Variants in MARCHF4 observed in about 807,000 individuals in gnomAD.
MARCHF4 encodes the protein membrane associated ring-CH-type finger 4.
Under a neutral mutation model 43.9 loss-of-function variants are expected in MARCHF4, and 14 were observed. The observed-to-expected ratio is 0.32, with a 90% CI of 0.21 to 0.50. The LOEUF is 0.50. Among genes scored for constraint, MARCHF4 ranks in the 20% least tolerant of loss-of-function variants. MARCHF4 has a pLI of 0.98. For synonymous variants in MARCHF4, 226 were observed against 213.3 expected (o/e 1.06, Z -0.52); for missense variants, 468 against 536.7 (o/e 0.87, Z 1.27).
chr2:216,370,284 C>A lies in MARCHF4; in HGVS notation c.-24G>T. On this transcript the variant is annotated 5_prime_UTR_variant, in exon 1 of 4. Transcript: ENST00000273067. Reference sequence around the variant, plus strand: ...ATGTGCCCCGTGGAAGTAGAGAGCCCAAGAGGGGTGGCTGGAGTCTTAAAA... The same window carrying A: ...ATGTGCCCCGTGGAAGTAGAGAGCCAAAGAGGGGTGGCTGGAGTCTTAAAA... 1 of 1,565,092 alleles carries A rather than the reference C, an allele frequency of 6.4e-7. No homozygotes were observed. The highest frequency in any genetic ancestry group is 8.7e-7 in the Non-Finnish European group (1 of 1,153,266).
At chr2:216,341,273 A>G (rs1692231573) in intron 1 of MARCHF4, among the ~76,000 whole-genome samples, 1 of 152,164 alleles carries the variant, frequency 6.6e-6, no homozygotes, top group Non-Finnish European at 1.5e-5. Flanking sequence ...GATTACACCC[A>G]CGGTCTCTCG....
At chr2:216,284,471 G>A (rs1167381002) in intron 1 of MARCHF4, among the ~76,000 whole-genome samples, 1 of 152,054 alleles carries the variant, frequency 6.6e-6, no homozygotes, top group East Asian at 1.9e-4. Flanking sequence ...TTTTTTGTTT[G>A]TTTGTTGTTT....
intron 1 of MARCHF4, among the ~76,000 whole-genome samples, chr2:216,319,105 C>G (rs1170953691): frequency 1.3e-5 from 2 of 152,024 alleles, no homozygotes. Flanking sequence ...GTCAGGAGTT[C>G]AAAACCAGCC....
chr2:216,290,537 T>C (rs191737146), intron 1 of MARCHF4, among the ~76,000 whole-genome samples: 48 of 152,236 alleles, frequency 3.2e-4, no homozygotes, highest in Admixed American at 1.8e-3. Context: ...TGGGCAATCA[T>C]GAGTGTTTTG....
At chr2:216,342,956 G>C (rs1692258485) in intron 1 of MARCHF4, among the ~76,000 whole-genome samples, 1 of 152,112 alleles carries the variant, frequency 6.6e-6, no homozygotes, top group Non-Finnish European at 1.5e-5. Flanking sequence ...GGGGAGGGTG[G>C]GGCAGGCAGA....
At position 216,259,868 on chromosome 2, in the gene MARCHF4, C is replaced by T. The variant is rs185274398; in HGVS notation, c.866-189G>A. On this transcript the variant is annotated intron_variant, in intron 3 of 3. Transcript: ENST00000273067. The stretch of plus-strand genomic sequence containing the variant: ...GCAGAAGGTGGAGGGGCCACCAGAC[C>T]GAGTCCATGAAATAGTTGAGCACCT... The T allele has an allele frequency of 2.7e-4, 165 of 603,024 alleles. 1 individual carries two copies. The highest frequency in any genetic ancestry group is 2.0e-3 in the Admixed American group (69 of 33,742). The allele number at this position is 603,024 out of a possible 1,614,324, so 37.4% of individuals were successfully genotyped here.
chr2:216,356,236 G>C (rs1389605744), intron 1 of MARCHF4, among the ~76,000 whole-genome samples: 1 of 152,216 alleles, frequency 6.6e-6, no homozygotes, highest in Non-Finnish European at 1.5e-5. Flanking sequence ...AGATGCTGAA[G>C]GGCCCATATT....
intron 1 of MARCHF4, among the ~76,000 whole-genome samples, chr2:216,313,325 CT>C (rs1691720084): frequency 6.6e-6 from 1 of 152,120 alleles, no homozygotes; most frequent in Non-Finnish European, 1.5e-5. Context: ...TCTAATTTCT[CT>C]TTTAAGTTGC....
intron 1 of MARCHF4, among the ~76,000 whole-genome samples, chr2:216,318,951 C>G (rs1284318052): frequency 6.6e-6 from 1 of 151,316 alleles, no homozygotes; most frequent in Non-Finnish European, 1.5e-5. Context: ...TTTCTTTTTT[C>G]AAAAAAGAAA....
intron 1 of MARCHF4, among the ~76,000 whole-genome samples, chr2:216,357,113 T>C (rs1309245440): frequency 6.6e-6 from 1 of 152,210 alleles, no homozygotes; most frequent in Non-Finnish European, 1.5e-5. Context: ...GTAACCATAG[T>C]ACAATGACCC....
chr2:216,265,298 C>G (rs1330243108), intron 3 of MARCHF4, among the ~76,000 whole-genome samples: 2 of 152,040 alleles, frequency 1.3e-5, no homozygotes, highest in African/African-American at 4.8e-5. Context: ...TGTACCCAAC[C>G]CTGGGCTGTA....
chr2:216,311,299 C>T (rs1338352199), intron 1 of MARCHF4, among the ~76,000 whole-genome samples: 1 of 152,010 alleles, frequency 6.6e-6, no homozygotes, highest in African/African-American at 2.4e-5. Flanking sequence ...ACTCTGTCAT[C>T]CAGGCTGGAG....
chr2:216,341,409 A>C (rs538241708), intron 1 of MARCHF4, among the ~76,000 whole-genome samples: 135 of 152,328 alleles, frequency 8.9e-4, no homozygotes, highest in Non-Finnish European at 1.5e-3. Flanking sequence ...GGAGCCGCCC[A>C]GACCCCACCC....
At chr2:216,322,076 A>G (rs977683923) in intron 1 of MARCHF4, among the ~76,000 whole-genome samples, 1 of 152,220 alleles carries the variant, frequency 6.6e-6, no homozygotes, top group Non-Finnish European at 1.5e-5. Context: ...ATTGTGCACA[A>G]TGAGGTATAC....
chr2:216,318,344 ATG>A (rs1691817902), intron 1 of MARCHF4, among the ~76,000 whole-genome samples: 1 of 152,222 alleles, frequency 6.6e-6, no homozygotes, highest in Non-Finnish European at 1.5e-5. Context: ...GGGGACGGGG[ATG>A]TAGCAGTGAA....
intron 1 of MARCHF4, among the ~76,000 whole-genome samples, chr2:216,364,707 CA>C (rs1358543254): frequency 2.6e-5 from 4 of 152,138 alleles, no homozygotes; most frequent in Non-Finnish European, 5.9e-5. Flanking sequence ...TTGGACAAGC[CA>C]GCAGGACTGT....
At position 216,278,238 on chromosome 2, in the gene MARCHF4, A is replaced by ATTTATTTT. The variant is rs71401143; in HGVS notation, c.673-375_673-374insAAAATAAA. Among the ~76,000 whole-genome samples the ATTTATTTT allele has an allele frequency of 2.0e-5, 3 of 151,744 alleles. No individual in the cohort carries two copies. In the East Asian group the frequency reaches 5.8e-4, roughly 29 times the overall value. On this transcript the variant is annotated intron_variant, in intron 2 of 3. Transcript: ENST00000273067. ...GATTCTTTTATTTATTTATTTATTTATTTTGAGATGGAGTCTTTGCTCTGT... is the reference window on the plus strand; with the variant it reads ...GATTCTTTTATTTATTTATTTATTTATTTATTTTTTTTGAGATGGAGTCTTTGCTCTGT...
Position 216,258,534 on chromosome 2 carries a change from G to GTA in MARCHF4, c.*777_*778insTA. ...TGTGTGTGTGTGTGTGTGTGTGTGT[G>GTA]TGTGTGTGTGTCCTGTAAACATCTT... On this transcript the variant is annotated 3_prime_UTR_variant, in exon 4 of 4. Transcript: ENST00000273067. 1 of 154,100 alleles carries GTA rather than the reference G, an allele frequency of 6.5e-6. No homozygotes were observed. The highest frequency in any genetic ancestry group is 1.9e-4 in the East Asian group (1 of 5,218). The allele number at this position is 154,100 out of a possible 1,614,324, so 9.5% of individuals were successfully genotyped here.
chr2:216,360,787 C>G (rs868436971), intron 1 of MARCHF4, among the ~76,000 whole-genome samples: 3 of 152,062 alleles, frequency 2.0e-5, no homozygotes, highest in Non-Finnish European at 2.9e-5. Context: ...AGTGTAGGGT[C>G]AGTTGTAACA....
Sources: allele counts gnomAD v4.1 joint callset (sites outside exome capture counted in the v4.1 genomes callset), GRCh38; gene constraint gnomAD v4.1.1; transcripts MANE v1.5; gene names NCBI Gene and HGNC (gene_info 2026-07-23, HGNC 2026-07-21).